The following SCRG1 variants were observed in gnomAD, a reference collection of about 807,000 sequenced individuals.
SCRG1 encodes the protein scrapie-responsive protein 1.
A neutral mutation model predicts 7.7 loss-of-function variants in SCRG1; 3 were observed. That is an observed-to-expected ratio of 0.39 (90% confidence interval 0.18 to 1.01). The LOEUF (loss-of-function observed/expected upper bound fraction) is 1.01, where lower values mean the gene tolerates loss of function less well. Among genes scored for constraint, SCRG1 ranks in the 50% least tolerant of loss-of-function variants. SCRG1 has a pLI of 0.36. For missense variants in SCRG1, 110 were observed against 117.2 expected (o/e 0.94, Z 0.28); for synonymous variants, 46 against 41.2 (o/e 1.12, Z -0.44).
At chr4:173,393,250 A>G (rs1739505056) in intron 1 of SCRG1, among the ~76,000 whole-genome samples, 1 of 152,190 alleles carries the variant, frequency 6.6e-6, no homozygotes, top group African/African-American at 2.4e-5. Flanking sequence ...GAAACAAAGT[A>G]TTTCTTCATA....
At chr4:173,436,589 C>T in the SCRG1 span, among the ~76,000 whole-genome samples, 1 of 152,152 alleles carries the variant, frequency 6.6e-6, no homozygotes, top group African/African-American at 2.4e-5. Context: ...AACACTGAAG[C>T]AAAACAATCG....
chr4:173,467,970 G>A, the SCRG1 span: 1 of 152,552 alleles, frequency 6.6e-6, no homozygotes, highest in Non-Finnish European at 1.5e-5. Flanking sequence ...ATGTCTAGGT[G>A]TTAAGTCAAA....
At chr4:173,463,759 G>A in the SCRG1 span, among the ~76,000 whole-genome samples, 1 of 152,136 alleles carries the variant, frequency 6.6e-6, no homozygotes. Context: ...AACCTTTGTG[G>A]TTATAGACTG....
the SCRG1 span, among the ~76,000 whole-genome samples, chr4:173,506,617 A>AG: frequency 0.03 from 4,524 of 152,110 alleles, 109 homozygotes; most frequent in Non-Finnish European, 0.049. This position sits in a 1 kb window ranked among gnomAD's most constrained non-coding sequence, Gnocchi z 5.3. Context: ...TCCTGAGGGT[A>AG]GGGGCGGGCA....
upstream of SCRG1, among the ~76,000 whole-genome samples, chr4:173,401,118 A>C (rs951126263): frequency 6.6e-6 from 1 of 152,228 alleles, no homozygotes; most frequent in African/African-American, 2.4e-5. Context: ...CAATACAACC[A>C]GAAGCAGTTC....
chr4:173,404,456 T>C (rs894232411), intron 1 of SCRG1: 12 of 152,210 alleles, frequency 7.9e-5, no homozygotes, highest in African/African-American at 2.9e-4. Flanking sequence ...TATGGACAGT[T>C]GCCAAAATAT....
the SCRG1 span, among the ~76,000 whole-genome samples, chr4:173,415,795 G>C: frequency 6.6e-6 from 1 of 152,300 alleles, no homozygotes; most frequent in African/African-American, 2.4e-5. Flanking sequence ...GGAGAAGTGA[G>C]GTTTCAGGAT....
chr4:173,414,601 T>C, the SCRG1 span, among the ~76,000 whole-genome samples: 12 of 152,202 alleles, frequency 7.9e-5, no homozygotes, highest in Non-Finnish European at 1.2e-4. Context: ...TCATGTCGTT[T>C]GAATGGGGGA....
At chr4:173,501,961 T>C in the SCRG1 span, among the ~76,000 whole-genome samples, 1 of 152,148 alleles carries the variant, frequency 6.6e-6, no homozygotes, top group African/African-American at 2.4e-5. This position sits in a 1 kb window ranked among gnomAD's most constrained non-coding sequence, Gnocchi z 5.1. Flanking sequence ...GCCAGGTTCT[T>C]TGGGGGATAC....
chr4:173,503,835 C>T, the SCRG1 span, among the ~76,000 whole-genome samples: 1 of 152,168 alleles, frequency 6.6e-6, no homozygotes, highest in Non-Finnish European at 1.5e-5. This position sits in a 1 kb window ranked among gnomAD's most constrained non-coding sequence, Gnocchi z 6.4. Flanking sequence ...CCCAAACTCC[C>T]AACAGCTTTT....
At chr4:173,391,555 A>G (rs1227462545) in intron 1 of SCRG1, 127 bp from the exon 2 acceptor site, 3 of 883,772 alleles carry the variant, frequency 3.4e-6, no homozygotes, top group Non-Finnish European at 5.2e-6. Context: ...CTTTTCTACA[A>G]TCCTGTTTGT....
the SCRG1 span, among the ~76,000 whole-genome samples, chr4:173,492,069 G>A: frequency 6.6e-6 from 1 of 152,102 alleles, no homozygotes; most frequent in Non-Finnish European, 1.5e-5. Context: ...GGTTGAGGCT[G>A]CAGTGAGCTG....
At chr4:173,483,475 C>A in the SCRG1 span, among the ~76,000 whole-genome samples, 977 of 12,488 alleles carry the variant, frequency 0.078, 166 homozygotes, top group Admixed American at 0.19. Context: ...ATATTATATT[C>A]TGATATATAA....
the SCRG1 span, among the ~76,000 whole-genome samples, chr4:173,430,053 A>C: frequency 4.6e-5 from 7 of 152,122 alleles, no homozygotes; most frequent in Non-Finnish European, 1.5e-5. Flanking sequence ...AATGGCCATG[A>C]AAGTACAAGA....
the SCRG1 span, among the ~76,000 whole-genome samples, chr4:173,448,767 G>A: frequency 6.6e-5 from 10 of 152,234 alleles, no homozygotes; most frequent in East Asian, 1.7e-3. Flanking sequence ...CGCTAGTTGT[G>A]CCAGGCATCT....
In SCRG1 at chr4:173,385,593, A is replaced by G. The variant is rs1439165897; in HGVS notation, c.*2748T>C. 6.6e-6 allele frequency: 1 copy of G among 152,208 alleles called. No individual in the cohort carries two copies. The highest frequency in any genetic ancestry group is 2.4e-5 in the African/African-American group (1 of 41,468). 9.4% of individuals were successfully genotyped at this position (152,208 alleles called of 1,614,324 possible). ...TTTTGTAATATAAAGAAGGCTGTGT[A>G]CTTGTATAATGCATTCATTTCTAAA... On this transcript the variant is annotated 3_prime_UTR_variant, in exon 3 of 3. Transcript: ENST00000296506.
At chr4:173,467,395 C>T in the SCRG1 span, among the ~76,000 whole-genome samples, 1 of 152,118 alleles carries the variant, frequency 6.6e-6, no homozygotes, top group Non-Finnish European at 1.5e-5. Context: ...TGAATCCACT[C>T]AAGAGACAGG....
At chr4:173,418,594 A>T in the SCRG1 span, among the ~76,000 whole-genome samples, 1 of 152,236 alleles carries the variant, frequency 6.6e-6, no homozygotes, top group Non-Finnish European at 1.5e-5. Context: ...CTCCAAAACC[A>T]TTTTAGAAAC....
At chr4:173,451,538 C>T in the SCRG1 span, among the ~76,000 whole-genome samples, 1 of 151,626 alleles carries the variant, frequency 6.6e-6, no homozygotes, top group Non-Finnish European at 1.5e-5. Context: ...AAAGAATGGG[C>T]CTCAACTCTA....
Sources: allele counts gnomAD v4.1 joint callset (sites outside exome capture counted in the v4.1 genomes callset), GRCh38; gene constraint gnomAD v4.1.1; non-coding constraint Gnocchi (gnomAD v3.1); transcripts MANE v1.5; gene names NCBI Gene and HGNC (gene_info 2026-07-23, HGNC 2026-07-21).